Variants in CACNA1A observed in about 807,000 individuals in gnomAD.
CACNA1A encodes the protein voltage-dependent P/Q-type calcium channel subunit alpha-1A.
In CACNA1A, 57 loss-of-function variants were observed where a neutral mutation model predicts 262.4. That is an observed-to-expected ratio of 0.22 (90% CI 0.18 to 0.27). The LOEUF (loss-of-function observed/expected upper bound fraction) is 0.27. Ranked by LOEUF, CACNA1A falls within the 10% of genes least tolerant of loss-of-function variation. The probability of loss-of-function intolerance (pLI) is 1.00; values close to 1 mark genes in which losing one functional copy is unlikely to be tolerated. For synonymous variants in CACNA1A, 1,431 were observed against 1,419.3 expected (o/e 1.01, Z -0.18); for missense variants, 2,526 against 3,562.8 (o/e 0.71, Z 7.41).
chr19:13,342,212 G>A (rs574760753), intron 6 of CACNA1A, among the ~76,000 whole-genome samples: 2 of 152,108 alleles, frequency 1.3e-5, no homozygotes, highest in Non-Finnish European at 2.9e-5. Flanking sequence ...TCCCTGGTTT[G>A]GGGGTGGGGG....
intron 1 of CACNA1A, among the ~76,000 whole-genome samples, chr19:13,467,403 C>A (rs1398198258): frequency 6.6e-6 from 1 of 151,964 alleles, no homozygotes; most frequent in African/African-American, 2.4e-5. Flanking sequence ...ATCACTCGAG[C>A]CCAGAAGGTC....
chr19:13,463,142 A>AT (rs943451819), intron 1 of CACNA1A, among the ~76,000 whole-genome samples: 2 of 142,634 alleles, frequency 1.4e-5, no homozygotes, highest in African/African-American at 2.8e-5. Context: ...GTTTGCCTTT[A>AT]TTTAAAAAAA....
intron 4 of CACNA1A, among the ~76,000 whole-genome samples, chr19:13,370,332 C>G (rs1006473127): frequency 5.9e-5 from 9 of 152,080 alleles, no homozygotes; most frequent in Admixed American, 5.9e-4. Context: ...AACTCCTGAC[C>G]TCAGGTGATC....
chr19:13,207,475 C>T lies in CACNA1A; in HGVS notation c.7359G>A (p.Arg2453=). 1.4e-6 allele frequency: 2 copies of T among 1,450,240 alleles called. No individual in the cohort carries two copies. Among genetic ancestry groups the T allele is most frequent in the Non-Finnish European group, 1.8e-6 (2 of 1,107,884 alleles). The allele number at this position is 1,450,240 out of a possible 1,614,324, so 89.8% of individuals were successfully genotyped here. A position where few individuals can be genotyped will look rare whatever the true frequency, so the allele number is the denominator to read the frequency against. The part of the protein sequence containing the change: ...ASSGATGRSP[R]TPRASGPACA... Reference sequence around the variant, plus strand: ...AGGCCGGGCCCGAGGCCCGGGGAGTCCTGGGCGAGCGCCCGGTGGCGCCCG... The same window carrying T: ...AGGCCGGGCCCGAGGCCCGGGGAGTTCTGGGCGAGCGCCCGGTGGCGCCCG... Residue 2453 remains arginine, a synonymous_variant, in exon 47 of 47, where the codon AGG becomes AGA. Coordinates refer to ENST00000360228, the MANE Select transcript of CACNA1A (RefSeq NM_001127222.2). This position sits in a 1 kb window ranked among gnomAD's most constrained non-coding sequence, Gnocchi z 5.7.
chr19:13,224,828 C>A (rs149917710), intron 37 of CACNA1A, 56 bp from the exon 38 acceptor site: 2 of 1,311,050 alleles, frequency 1.5e-6, no homozygotes, highest in Non-Finnish European at 2.1e-6. Flanking sequence ...CTGGGTCTCC[C>A]GTGAGCCGCG....
intron 22 of CACNA1A, among the ~76,000 whole-genome samples, chr19:13,280,332 C>T (rs1056705127): frequency 1.1e-4 from 17 of 150,934 alleles, no homozygotes; most frequent in East Asian, 5.9e-4. Flanking sequence ...TGCACCACCA[C>T]GCTCGGTTAA....
chr19:13,480,549 C>G (rs1012263242), intron 1 of CACNA1A, among the ~76,000 whole-genome samples: 3 of 152,030 alleles, frequency 2.0e-5, no homozygotes, highest in Non-Finnish European at 2.9e-5. Flanking sequence ...TATACACAGG[C>G]TGGGTGCGGG....
intron 12 of CACNA1A, 36 bp downstream of exon 12, chr19:13,312,633 C>G: frequency 8.1e-7 from 1 of 1,238,984 alleles, no homozygotes; most frequent in East Asian, 2.5e-5. Flanking sequence ...CAGGCAAGAG[C>G]TGGAGAAATG....
chr19:13,328,761 G>A (rs1280100510), intron 10 of CACNA1A, among the ~76,000 whole-genome samples: 1 of 152,056 alleles, frequency 6.6e-6, no homozygotes, highest in African/African-American at 2.4e-5. Flanking sequence ...TACGAGATAT[G>A]TGATCGCAAT....
chr19:13,254,598 G>T (rs1290549314), intron 29 of CACNA1A, among the ~76,000 whole-genome samples: 1 of 152,050 alleles, frequency 6.6e-6, no homozygotes, highest in East Asian at 1.9e-4. Flanking sequence ...GTGACCTCAG[G>T]TGATCCGCCC....
At chr19:13,313,626 C>A (rs566838013) in intron 11 of CACNA1A, among the ~76,000 whole-genome samples, 12 of 151,922 alleles carry the variant, frequency 7.9e-5, no homozygotes, top group African/African-American at 2.9e-4. Context: ...TAGTTTTTGC[C>A]CTGGTTCGAT....
chr19:13,253,445 C>CTT (rs57960659), intron 29 of CACNA1A, among the ~76,000 whole-genome samples: 24,387 of 94,188 alleles, frequency 0.26, 5,747 homozygotes, highest in Non-Finnish European at 0.31. Flanking sequence ...CTGAATTATA[C>CTT]TTTTTTTTTT....
Position 13,261,529 on chromosome 19 carries a change from C to T in CACNA1A, c.4171G>A (p.Ala1391Thr), listed in dbSNP as rs1398841527. ...TTGAAGAGCTGCACAGCCACCACGGCGAAGATGAACATGAATAGCATGTAG... is the reference window on the plus strand; with the variant it reads ...TTGAAGAGCTGCACAGCCACCACGGTGAAGATGAACATGAATAGCATGTAG... ...IVYMLFMFIF[A>T]VVAVQLFKGK... The change falls in exon 26 of 47, where the codon GCC (alanine) becomes ACC (threonine). Residue 1391 changes from alanine to threonine, a missense_variant. This residue lies in a region of CACNA1A where 137 missense variants were observed against 377.7 expected (regional missense o/e 0.36). Transcript: ENST00000360228. 6.2e-7 allele frequency: 1 copy of T among 1,602,172 alleles called. No individual in the cohort carries two copies. The highest frequency in any genetic ancestry group is 8.5e-7 in the Non-Finnish European group (1 of 1,174,352).
intron 1 of CACNA1A, among the ~76,000 whole-genome samples, chr19:13,504,727 A>G (rs1400227177): frequency 6.6e-6 from 1 of 152,348 alleles, no homozygotes; most frequent in East Asian, 1.9e-4. Context: ...CACAGTGGCC[A>G]GCCAGCCTGG....
At chr19:13,478,659 G>T (rs928863909) in intron 1 of CACNA1A, among the ~76,000 whole-genome samples, 16 of 152,126 alleles carry the variant, frequency 1.1e-4, no homozygotes, top group African/African-American at 3.9e-4. Context: ...ATTGGGCAAA[G>T]GTATAAGTAT....
rs147685699 is a variant in CACNA1A, at chr19:13,300,523, A to G, written c.2279+27T>C. On this transcript the variant is annotated intron_variant, in intron 18 of 46. Coordinates refer to ENST00000360228, the MANE Select transcript of CACNA1A (RefSeq NM_001127222.2). ...AGTGTGGACGTTCAGGAGCCAGGGT[A>G]GCATCCCAGGGATTAGGGGCACTTA... is the stretch of plus-strand genomic sequence containing the variant. 8 of 1,477,068 alleles carry G rather than the reference A, an allele frequency of 5.4e-6. No homozygotes were observed. The African/African-American group carries it at 1.1e-4, about 20-fold the overall frequency. 91.5% of individuals were successfully genotyped at this position (1,477,068 alleles called of 1,614,324 possible). A position where few individuals can be genotyped will look rare whatever the true frequency, so the allele number is the denominator to read the frequency against.
chr19:13,277,165 G>A (rs765446203), intron 22 of CACNA1A, 37 bp from the exon 23 acceptor site: 2 of 1,489,450 alleles, frequency 1.3e-6, no homozygotes, highest in Non-Finnish European at 1.9e-6. Flanking sequence ...GTGGATCACT[G>A]GCCTGTTCCA....
intron 3 of CACNA1A, among the ~76,000 whole-genome samples, chr19:13,428,597 C>T (rs1009221388): frequency 6.6e-5 from 10 of 152,148 alleles, no homozygotes; most frequent in Non-Finnish European, 1.3e-4. Flanking sequence ...CTCAAAACAA[C>T]GCTGAGACAG....
chr19:13,231,177 A>ATTTTTTT (rs71168692), intron 35 of CACNA1A, among the ~76,000 whole-genome samples: 4 of 139,142 alleles, frequency 2.9e-5, no homozygotes, highest in Non-Finnish European at 6.2e-5. Context: ...AGCTAATTCA[A>ATTTTTTT]TTTTTTTTTT....
Sources: allele counts gnomAD v4.1 joint callset (sites outside exome capture counted in the v4.1 genomes callset), GRCh38; gene constraint gnomAD v4.1.1; regional missense constraint gnomAD v4.1.1; non-coding constraint Gnocchi (gnomAD v3.1); transcripts MANE v1.5; gene names NCBI Gene and HGNC (gene_info 2026-07-23, HGNC 2026-07-21).